Variants in ADGRG4 observed in about 807,000 individuals in gnomAD.
ADGRG4 encodes G protein-coupled receptor 112.
A neutral mutation model predicts 126.2 loss-of-function variants in ADGRG4; 122 were observed. The observed-to-expected ratio is 0.97, with a 90% confidence interval of 0.83 to 1.12. The LOEUF (loss-of-function observed/expected upper bound fraction) is 1.12. Among genes scored for constraint, ADGRG4 ranks in the 50% most tolerant of loss-of-function variants. ADGRG4 has a pLI of 0.00. For synonymous variants in ADGRG4, 943 were observed against 838.7 expected (o/e 1.12, Z -2.15); for missense variants, 2,481 against 2,251.8 (o/e 1.10, Z -2.06).
At position 136,344,992 on chromosome X, in the gene ADGRG4, C is replaced by G; in HGVS notation, c.1286C>G (p.Pro429Arg). Residue 429 changes from proline (P) to arginine (R), a missense_variant, in exon 6 of 26, where the codon CCT becomes CGT. Transcript: ENST00000394143. The stretch of plus-strand genomic sequence containing the variant: ...AAATCCACAAATACTGGGGCACTCC[C>G]TATCTCCACAGCTGGCCAGGAGTTC... ...KQKSTNTGAL[P>R]ISTAGQEFIE... is the part of the protein sequence containing the mutation. The G allele has an allele frequency of 8.3e-7, 1 of 1,209,864 alleles. No individual in the cohort carries two copies. The highest frequency in any genetic ancestry group is 2.2e-5 in the Admixed American group (1 of 45,771).
chrX:136,405,581 C>G (rs1242994876), intron 22 of ADGRG4, 111 bp from the exon 23 acceptor site: 2 of 576,952 alleles, frequency 3.5e-6, no homozygotes, highest in Non-Finnish European at 5.1e-6. Flanking sequence ...GTTCATTTCT[C>G]TAGGGCAGAT....
At chrX:136,308,414 A>G (rs1242122263) in intron 3 of ADGRG4, among the ~76,000 whole-genome samples, 1 of 112,137 alleles carries the variant, frequency 8.9e-6, no homozygotes, top group African/African-American at 3.2e-5. Context: ...CTGGCCTCAC[A>G]TTTTGTAATT....
intron 25 of ADGRG4, among the ~76,000 whole-genome samples, chrX:136,416,166 C>T (rs905148632): frequency 1.8e-5 from 2 of 111,661 alleles, no homozygotes; most frequent in African/African-American, 3.3e-5. Flanking sequence ...TGAAGGCCTC[C>T]GAGTTTGTAC....
rs369071342 is a variant in ADGRG4 at position 136,413,092 on chromosome X, A to T, written c.9037+726A>T. Among the ~76,000 whole-genome samples, 141 of 106,648 alleles carry T rather than the reference A, an allele frequency of 1.3e-3. 1 individual carries two copies. The highest frequency in any genetic ancestry group is 4.9e-3 in the Middle Eastern group (1 of 203). The allele number at this position is 106,648 out of a possible 115,157, so 92.6% of individuals were successfully genotyped here. A position where few individuals can be genotyped will look rare whatever the true frequency, so the allele number is the denominator to read the frequency against. ...TTCCAGTATTTTATTTTATTTATTT[A>T]TTTTTTTTATTATACTTTAAGTTTT... On this transcript the variant is annotated intron_variant, in intron 24 of 25. Coordinates refer to ENST00000394143, the MANE Select transcript of ADGRG4 (RefSeq NM_153834.4).
intron 15 of ADGRG4, among the ~76,000 whole-genome samples, chrX:136,383,532 C>T (rs1403344256): frequency 9.0e-6 from 1 of 111,585 alleles, no homozygotes; most frequent in African/African-American, 3.3e-5. Flanking sequence ...TCCTAGCTGT[C>T]TTTATATTTA....
chrX:136,353,299 G>A (rs767225921), intron 7 of ADGRG4, 38 bp from the exon 8 acceptor site: 2 of 943,952 alleles, frequency 2.1e-6, no homozygotes, highest in East Asian at 3.1e-5. Flanking sequence ...AACTAGAGGA[G>A]CAGAATACTA....
rs913039221 is a variant in ADGRG4, at chrX:136,397,786, A to G, written c.8185-95A>G. 5.6e-5 allele frequency: 47 copies of G among 836,064 alleles called. No homozygotes were observed. The African/African-American group carries it at 6.7e-4, about 12-fold the overall frequency. 68.9% of individuals were successfully genotyped at this position (836,064 alleles called of 1,213,427 possible). A position where few individuals can be genotyped will look rare whatever the true frequency, so the allele number is the denominator to read the frequency against. Reference sequence around the variant, plus strand: ...AGAAGAGCTATGGCAGAAATGTTATACATCCTGGGAACTTCCTGTTAGTGA... The same window carrying G: ...AGAAGAGCTATGGCAGAAATGTTATGCATCCTGGGAACTTCCTGTTAGTGA... On this transcript the variant is annotated intron_variant, in intron 19 of 25. Transcript: ENST00000394143.
intron 15 of ADGRG4, among the ~76,000 whole-genome samples, chrX:136,373,318 T>C (rs1218857239): frequency 8.9e-6 from 1 of 111,941 alleles, no homozygotes; most frequent in Non-Finnish European, 1.9e-5. Flanking sequence ...CAGTTTATTA[T>C]TGGCCACCAT....
chrX:136,319,952 TA>T (rs2074830357), intron 4 of ADGRG4, among the ~76,000 whole-genome samples: 1 of 111,931 alleles, frequency 8.9e-6, no homozygotes, highest in East Asian at 2.8e-4. Context: ...CACCTAAAGA[TA>T]ATCATTCTTA....
At chrX:136,393,253 G>A (rs192679127) in intron 17 of ADGRG4, among the ~76,000 whole-genome samples, 16 of 111,862 alleles carry the variant, frequency 1.4e-4, no homozygotes, top group South Asian at 3.8e-4. Context: ...TACCAGAAGG[G>A]CATGGCAATT....
intron 5 of ADGRG4, among the ~76,000 whole-genome samples, chrX:136,328,603 C>T (rs777340560): frequency 4.4e-4 from 49 of 112,047 alleles, no homozygotes; most frequent in African/African-American, 1.4e-3. Context: ...CCTATATCTG[C>T]GGGGTCATTG....
chrX:136,381,177 T>C (rs1222668922), intron 15 of ADGRG4, among the ~76,000 whole-genome samples: 1 of 112,097 alleles, frequency 8.9e-6, no homozygotes, highest in Non-Finnish European at 1.9e-5. Context: ...TCAAAATATT[T>C]TATATTTTTT....
rs1211951259 is a variant in ADGRG4, at chrX:136,344,633, GAC to G, written c.929_930del (p.Thr310SerfsTer48). 1 of 1,209,808 alleles carries G rather than the reference GAC, an allele frequency of 8.3e-7. No individual in the cohort carries two copies. The highest frequency in any genetic ancestry group is 1.8e-5 in the South Asian group (1 of 56,924). ...QKILKTLVDE[T>X]ATFAVDVLST... ...AAATCTTAAAGACACTGGTAGATGA[GAC>G]AGCTACATTTGCAGTGGATGTTTTA... is the stretch of plus-strand genomic sequence containing the variant. On this transcript the variant is annotated frameshift_variant, in exon 6 of 26. Transcript: ENST00000394143. LOFTEE classifies it high-confidence loss of function.
intron 5 of ADGRG4, among the ~76,000 whole-genome samples, chrX:136,328,427 G>A (rs2074888203): frequency 8.9e-6 from 1 of 111,783 alleles, no homozygotes; most frequent in Non-Finnish European, 1.9e-5. Flanking sequence ...TCAAACAAAG[G>A]AATTTTTTTT....
At chrX:136,400,722 T>A (rs1344264008) in intron 21 of ADGRG4, among the ~76,000 whole-genome samples, 1 of 109,032 alleles carries the variant, frequency 9.2e-6, no homozygotes, top group African/African-American at 3.6e-5. Flanking sequence ...GAAAGAGTGC[T>A]GGGTCAGCCA....
At position 136,347,551 on chromosome X, in the gene ADGRG4, AT is replaced by A; in HGVS notation, c.3847del (p.Ser1283LeufsTer14). The A allele has an allele frequency of 8.3e-7, 1 of 1,208,642 alleles. No homozygotes were observed. The highest frequency in any genetic ancestry group is 1.1e-6 in the Non-Finnish European group (1 of 893,244). On this transcript the variant is annotated frameshift_variant, in exon 6 of 26. Coordinates refer to ENST00000394143, the MANE Select transcript of ADGRG4 (RefSeq NM_153834.4). LOFTEE classifies it high-confidence loss of function. ...MEVTEMSPSK[N>X]SFISYSRGTP... Reference sequence around the variant, plus strand: ...GTGACAGAAATGTCCCCATCAAAGAATTCTTTTATTTCATACTCCCGGGGTA... The same window carrying A: ...GTGACAGAAATGTCCCCATCAAAGAATCTTTTATTTCATACTCCCGGGGTA...
Position 136,322,909 on chromosome X carries a change from T to C in ADGRG4, c.202T>C (p.Ser68Pro). Residue 68 changes from serine (S) to proline (P), a missense_variant, in exon 5 of 26, where the codon TCA (serine) becomes CCA (proline). Coordinates refer to ENST00000394143, the MANE Select transcript of ADGRG4 (RefSeq NM_153834.4). ...TGATCTGGTATTCATGGATGACAACTCAAGGTATTGGATGGCCTTCTCTTA... is the reference window on the plus strand; with the variant it reads ...TGATCTGGTATTCATGGATGACAACCCAAGGTATTGGATGGCCTTCTCTTA... ...CIDLVFMDDN[S>P]RYWMAFSYIT... The C allele has an allele frequency of 8.3e-7, 1 of 1,211,689 alleles. No homozygotes were observed. The highest frequency in any genetic ancestry group is 1.1e-6 in the Non-Finnish European group (1 of 895,365).
chrX:136,327,840 GTAAC>G (rs2074883723), intron 5 of ADGRG4, among the ~76,000 whole-genome samples: 1 of 110,521 alleles, frequency 9.0e-6, no homozygotes, highest in African/African-American at 3.3e-5. Context: ...TTTTATTAAT[GTAAC>G]TATTCATTGA....
Position 136,413,114 on chromosome X carries a change from T to A in ADGRG4, c.9037+748T>A, listed in dbSNP as rs1445027222. On this transcript the variant is annotated intron_variant, in intron 24 of 25. Coordinates refer to ENST00000394143, the MANE Select transcript of ADGRG4 (RefSeq NM_153834.4). ...TTTATTTTTTTTATTATACTTTAAG[T>A]TTTAGGGTACATGTGCACATTGTGC... is the stretch of plus-strand genomic sequence containing the variant. 2.7e-5 allele frequency among the ~76,000 whole-genome samples: 3 copies of A among 109,476 alleles called. No homozygotes were observed. The East Asian group carries it at 8.6e-4, about 31-fold the overall frequency.
Sources: gnomAD v4.1 joint callset for allele counts (sites outside exome capture counted in the v4.1 genomes callset) on GRCh38, gnomAD v4.1.1 for gene constraint, MANE v1.5 for transcripts, NCBI Gene and HGNC (gene_info 2026-07-23, HGNC 2026-07-21) for gene names.